Variants in NRG3 observed in about 807,000 individuals in gnomAD.
NRG3 encodes the protein pro-neuregulin-3, membrane-bound isoform.
A neutral mutation model predicts 66.9 loss-of-function variants in NRG3; 31 were observed. The observed-to-expected ratio is 0.46, with a 90% CI of 0.35 to 0.63. NRG3 has a LOEUF of 0.63. Among genes scored for constraint, NRG3 ranks in the 20% least tolerant of loss-of-function variants. NRG3 has a pLI of 0.00. For missense variants in NRG3, 910 were observed against 878.9 expected (o/e 1.04, Z -0.45); for synonymous variants, 393 against 359.4 (o/e 1.09, Z -1.06).
Position 82,985,456 on chromosome 10 carries a change from G to A in NRG3, c.1942G>A (p.Glu648Lys). 1 of 1,614,112 alleles carries A rather than the reference G, an allele frequency of 6.2e-7. No individual in the cohort carries two copies. Among genetic ancestry groups the A allele is most frequent in the South Asian group, 1.1e-5 (1 of 91,086 alleles). Residue 648 changes from glutamate to lysine, a missense_variant, in exon 9 of 9, where the codon GAA (glutamate) becomes AAA (lysine). By Grantham distance (56) the Glu-to-Lys change is moderately conservative (BLOSUM62 1). Transcript: ENST00000372141. ...AATTCTGACTGATGCCAGACGGTCA[G>A]AAGACTACGAACTGGCCAGCGTAGA... is the stretch of plus-strand genomic sequence containing the variant. ...IRILTDARRSEDYELASVETE... is the reference protein window; with the variant it reads ...IRILTDARRSKDYELASVETE...
chr10:82,539,706 T>C (rs752485605), intron 2 of NRG3, among the ~76,000 whole-genome samples: 5 of 152,078 alleles, frequency 3.3e-5, no homozygotes, highest in Non-Finnish European at 7.4e-5. Flanking sequence ...GGATCTCGTC[T>C]CATTGCAACC....
intron 2 of NRG3, among the ~76,000 whole-genome samples, chr10:82,636,946 AC>A (rs1271457001): frequency 6.6e-6 from 1 of 152,046 alleles, no homozygotes; most frequent in Admixed American, 6.6e-5. Flanking sequence ...GTCAAAAGAT[AC>A]TAAGTAGCAG....
chr10:82,553,034 A>AACACACAC (rs142641494), intron 2 of NRG3, among the ~76,000 whole-genome samples: 9 of 146,658 alleles, frequency 6.1e-5, no homozygotes, highest in African/African-American at 1.5e-4. Flanking sequence ...ATCACACACA[A>AACACACAC]ACACACACAC....
At chr10:82,561,496 A>G (rs1309628685) in intron 2 of NRG3, among the ~76,000 whole-genome samples, 1 of 152,160 alleles carries the variant, frequency 6.6e-6, no homozygotes, top group Non-Finnish European at 1.5e-5. Context: ...TACCAAAAAT[A>G]CAACAAATTA....
intron 2 of NRG3, among the ~76,000 whole-genome samples, chr10:82,701,892 T>C (rs952443780): frequency 5.9e-5 from 9 of 152,196 alleles, no homozygotes; most frequent in Admixed American, 2.0e-4. Context: ...CATGTAATTT[T>C]CCAACATATA....
intron 4 of NRG3, among the ~76,000 whole-genome samples, chr10:82,942,402 G>T (rs972371728): frequency 4.6e-5 from 7 of 152,202 alleles, no homozygotes; most frequent in African/African-American, 1.7e-4. Context: ...GTTTCCAAAA[G>T]AATTACCATA....
intron 4 of NRG3, among the ~76,000 whole-genome samples, chr10:82,939,555 C>T (rs150034362): frequency 0.012 from 1,761 of 151,902 alleles, 52 homozygotes; most frequent in Admixed American, 0.072. Context: ...CTGCAAGCTC[C>T]GCCTCCCGGG....
At chr10:82,836,876 A>T (rs2220929) in intron 3 of NRG3, among the ~76,000 whole-genome samples, 28,830 of 150,792 alleles carry the variant, frequency 0.19, 2,932 homozygotes, top group East Asian at 0.32. Flanking sequence ...ATATCTCCTA[A>T]TGTTATCCCT....
At chr10:81,952,667 C>A (rs1849482839) in intron 1 of NRG3, among the ~76,000 whole-genome samples, 1 of 152,078 alleles carries the variant, frequency 6.6e-6, no homozygotes, top group African/African-American at 2.4e-5. Flanking sequence ...TAGAGTGTCA[C>A]AATAATAGCT....
At chr10:82,893,868 C>T (rs146220294) in intron 4 of NRG3, among the ~76,000 whole-genome samples, 2 of 151,294 alleles carry the variant, frequency 1.3e-5, no homozygotes, top group Non-Finnish European at 3.0e-5. Flanking sequence ...CATAGTAAAC[C>T]AAAAAGACAG....
At chr10:82,669,286 A>T (rs182559237) in intron 2 of NRG3, among the ~76,000 whole-genome samples, 2 of 140,940 alleles carry the variant, frequency 1.4e-5, no homozygotes, top group Non-Finnish European at 3.1e-5. Context: ...TAATAATAAT[A>T]ATCAGAAATA....
At chr10:82,255,351 G>A (rs998963921) in intron 1 of NRG3, among the ~76,000 whole-genome samples, 3 of 152,194 alleles carry the variant, frequency 2.0e-5, no homozygotes, top group Non-Finnish European at 4.4e-5. Context: ...TGCTGGAGGG[G>A]ATCCTGGAAC....
intron 3 of NRG3, among the ~76,000 whole-genome samples, chr10:82,785,394 GA>G (rs2060313062): frequency 6.6e-6 from 1 of 150,946 alleles, no homozygotes; most frequent in Admixed American, 6.6e-5. Context: ...TAAATTAAAA[GA>G]AAAAAGAAAA....
chr10:82,243,039 G>A (rs1215008201), intron 1 of NRG3, among the ~76,000 whole-genome samples: 2 of 152,172 alleles, frequency 1.3e-5, no homozygotes, highest in East Asian at 3.9e-4. Context: ...CAAACAGAAA[G>A]CACTGTGTAC....
At chr10:82,862,256 T>G (rs750224278) in intron 3 of NRG3, among the ~76,000 whole-genome samples, 3 of 152,182 alleles carry the variant, frequency 2.0e-5, no homozygotes, top group Non-Finnish European at 4.4e-5. Context: ...AAAAGTCTGT[T>G]ATTCCTGATG....
chr10:82,468,550 G>A (rs2132031952), intron 2 of NRG3, among the ~76,000 whole-genome samples: 1 of 152,324 alleles, frequency 6.6e-6, no homozygotes, highest in East Asian at 1.9e-4. Flanking sequence ...TCAGCATTGA[G>A]GAGAGATTTC....
chr10:82,085,377 T>C lies in NRG3; in HGVS notation c.823+209214T>C, dbSNP rs2065657805. ...TGTTGTGGTCTCTTTTGTGTTGCTA[T>C]AATAGAATTTCTGAGACTGAGTAAT... On this transcript the variant is annotated intron_variant, in intron 1 of 8. Transcript: ENST00000372141. Among the ~76,000 whole-genome samples the C allele has an allele frequency of 1.3e-5, 2 of 152,106 alleles. 1 individual carries two copies. Among genetic ancestry groups the C allele is most frequent in the Admixed American group, 1.3e-4 (2 of 15,280 alleles).
At chr10:82,942,707 C>T (rs1178307527) in intron 4 of NRG3, among the ~76,000 whole-genome samples, 1 of 152,204 alleles carries the variant, frequency 6.6e-6, no homozygotes, top group Non-Finnish European at 1.5e-5. Context: ...ACTCCAGGAG[C>T]AGAATGCATG....
Position 82,657,171 on chromosome 10 carries a change from T to C in NRG3, c.954-81406T>C, listed in dbSNP as rs144885696. ...TTCACTCTCTCTGGCTCTTTATTTTTTACATAGCACCGATCACATTCTATA... is the reference window on the plus strand; with the variant it reads ...TTCACTCTCTCTGGCTCTTTATTTTCTACATAGCACCGATCACATTCTATA... On this transcript the variant is annotated intron_variant, in intron 2 of 8. Coordinates refer to ENST00000372141, the MANE Select transcript of NRG3 (RefSeq NM_001010848.4). Among the ~76,000 whole-genome samples the C allele has an allele frequency of 8.8e-3, 1,337 of 152,318 alleles. 22 individuals are homozygous for C. The highest frequency in any genetic ancestry group is 0.031 in the African/African-American group (1,292 of 41,560).
Sources: allele counts gnomAD v4.1 joint callset (sites outside exome capture counted in the v4.1 genomes callset), GRCh38; gene constraint gnomAD v4.1.1; transcripts MANE v1.5; gene names NCBI Gene and HGNC (gene_info 2026-07-23, HGNC 2026-07-21).